Variants in ANK3 observed in about 807,000 individuals in gnomAD.
ANK3 encodes the protein ankyrin 3, also known as ankyrin-3.
Under a neutral mutation model 370.9 loss-of-function variants are expected in ANK3, and 57 were observed. That is an observed-to-expected ratio of 0.15 (90% CI 0.12 to 0.19). The LOEUF is 0.19. Ranked by LOEUF, ANK3 falls within the 10% of genes least tolerant of loss-of-function variation. The probability of loss-of-function intolerance (pLI) is 1.00; values close to 1 mark genes in which losing one functional copy is unlikely to be tolerated. For synonymous variants in ANK3, 1,929 were observed against 1,946.3 expected, an observed-to-expected ratio of 0.99 and a Z score of 0.23; for missense variants, 4,439 against 5,302.1, an observed-to-expected ratio of 0.84 and a Z score of 5.06.
At chr10:60,522,606 A>T (rs1320610499) in intron 2 of ANK3, among the ~76,000 whole-genome samples, 1 of 152,088 alleles carries the variant, frequency 6.6e-6, no homozygotes, top group Non-Finnish European at 1.5e-5. Flanking sequence ...CTGGTCCAGC[A>T]TAACTGCAAG....
chr10:60,612,623 C>T (rs1259263756), intron 2 of ANK3, among the ~76,000 whole-genome samples: 1 of 152,192 alleles, frequency 6.6e-6, no homozygotes, highest in African/African-American at 2.4e-5. Flanking sequence ...TCCCCAGTAG[C>T]TGGGATTACA....
At position 60,389,698 on chromosome 10, in the gene ANK3, C is replaced by A; in HGVS notation, c.-160G>T. The A allele has an allele frequency of 6.9e-7, 1 of 1,445,172 alleles. No individual in the cohort carries two copies. Among genetic ancestry groups the A allele is most frequent in the Non-Finnish European group, 9.0e-7 (1 of 1,105,402 alleles). 89.5% of individuals were successfully genotyped at this position (1,445,172 alleles called of 1,614,324 possible). The stretch of plus-strand genomic sequence containing the variant: ...TCACAATGCAAAGATGCTGGAGAAG[C>A]TGAAGCTTTTAAAAACCCAAATGAT... On this transcript the variant is annotated 5_prime_UTR_variant, in exon 1 of 44. Coordinates refer to ENST00000280772, the MANE Select transcript of ANK3 (RefSeq NM_020987.5).
intron 28 of ANK3, among the ~76,000 whole-genome samples, chr10:60,099,328 T>C (rs898289922): frequency 2.6e-5 from 4 of 152,232 alleles, no homozygotes; most frequent in African/African-American, 9.6e-5. Flanking sequence ...CAACTCTGTA[T>C]CAAGAGTTGT....
intron 1 of ANK3, among the ~76,000 whole-genome samples, chr10:60,691,133 C>T (rs1231276997): frequency 1.3e-5 from 2 of 152,150 alleles, no homozygotes; most frequent in African/African-American, 2.4e-5. Flanking sequence ...AAAGTCAGCT[C>T]TCCTACGCTC....
At chr10:60,228,760 G>T (rs2097201907) in intron 8 of ANK3, among the ~76,000 whole-genome samples, 1 of 152,014 alleles carries the variant, frequency 6.6e-6, no homozygotes, top group South Asian at 2.1e-4. Context: ...AAAAAAATTA[G>T]ATGTGAGCAT....
intron 2 of ANK3, among the ~76,000 whole-genome samples, chr10:60,411,350 A>T (rs2063556654): frequency 1.3e-5 from 2 of 152,214 alleles, no homozygotes; most frequent in African/African-American, 4.8e-5. Flanking sequence ...CTAAACTGAG[A>T]AATGCTAAAC....
intron 8 of ANK3, among the ~76,000 whole-genome samples, chr10:60,222,693 C>G (rs2097081550): frequency 6.6e-6 from 1 of 152,128 alleles, no homozygotes; most frequent in Admixed American, 6.5e-5. Context: ...TATACTTGGT[C>G]CAACTTGGCC....
intron 28 of ANK3, among the ~76,000 whole-genome samples, chr10:60,092,426 C>A (rs1225345573): frequency 5.3e-5 from 8 of 152,126 alleles, no homozygotes. Context: ...TGGATCAATA[C>A]ATCTTTTTCA....
chr10:60,367,283 T>C (rs2059514457), intron 1 of ANK3, among the ~76,000 whole-genome samples: 1 of 152,220 alleles, frequency 6.6e-6, no homozygotes, highest in East Asian at 1.9e-4. Flanking sequence ...TGTTTAAATT[T>C]TTCATCAGAC....
intron 1 of ANK3, among the ~76,000 whole-genome samples, chr10:60,640,924 A>C (rs376551719): frequency 1.9e-5 from 1 of 51,930 alleles, no homozygotes; most frequent in Non-Finnish European, 4.4e-5. Flanking sequence ...TTAAGCTGAT[A>C]AGCAAAGTCT....
intron 1 of ANK3, chr10:60,615,301 G>T: frequency 3.0e-6 from 3 of 999,102 alleles, no homozygotes; most frequent in Non-Finnish European, 4.3e-6. Flanking sequence ...ATTTACACAT[G>T]CACATTATTA....
At chr10:60,597,342 T>A (rs1196817351) in intron 2 of ANK3, among the ~76,000 whole-genome samples, 1 of 152,220 alleles carries the variant, frequency 6.6e-6, no homozygotes, top group East Asian at 1.9e-4. Context: ...TATCATAACA[T>A]GAATGTAGCT....
intron 9 of ANK3, among the ~76,000 whole-genome samples, chr10:60,213,075 C>T (rs73269471): frequency 0.031 from 4,723 of 152,060 alleles, 253 homozygotes; most frequent in African/African-American, 0.11. Context: ...TGAAGATAGC[C>T]GGCACCCAAA....
At chr10:60,697,724 C>T (rs1589044401) in intron 1 of ANK3, among the ~76,000 whole-genome samples, 1 of 152,104 alleles carries the variant, frequency 6.6e-6, no homozygotes, top group Non-Finnish European at 1.5e-5. Context: ...AAACTGGATC[C>T]CTTCCTTACA....
intron 2 of ANK3, among the ~76,000 whole-genome samples, chr10:60,614,753 C>T (rs572721507): frequency 6.6e-6 from 1 of 152,266 alleles, no homozygotes; most frequent in South Asian, 2.1e-4. Flanking sequence ...TAGAAGCAAA[C>T]ATCTGATCAT....
intron 2 of ANK3, among the ~76,000 whole-genome samples, chr10:60,560,070 G>A (rs938062348): frequency 1.3e-5 from 2 of 152,032 alleles, no homozygotes; most frequent in Non-Finnish European, 2.9e-5. Context: ...GATGGATAGA[G>A]AGAGAGAGAG....
intron 2 of ANK3, among the ~76,000 whole-genome samples, chr10:60,483,483 C>T (rs547358163): frequency 6.6e-6 from 1 of 152,280 alleles, no homozygotes; most frequent in Non-Finnish European, 1.5e-5. Flanking sequence ...TACTCAGGCT[C>T]ATGTTCCTTC....
intron 42 of ANK3, among the ~76,000 whole-genome samples, chr10:60,050,048 C>A (rs1013169276): frequency 1.3e-5 from 2 of 152,086 alleles, no homozygotes; most frequent in Non-Finnish European, 2.9e-5. Flanking sequence ...TTTTTCTAGA[C>A]CTTTCACTTT....
At chr10:60,128,473 A>G (rs2093889979) in intron 25 of ANK3, among the ~76,000 whole-genome samples, 1 of 151,362 alleles carries the variant, frequency 6.6e-6, no homozygotes, top group African/African-American at 2.4e-5. Flanking sequence ...TCTGCCTCCC[A>G]GGCTCAAGAG....
Sources: gnomAD v4.1 joint callset for allele counts (sites outside exome capture counted in the v4.1 genomes callset) on GRCh38, gnomAD v4.1.1 for gene constraint, MANE v1.5 for transcripts, NCBI Gene and HGNC (gene_info 2026-07-23, HGNC 2026-07-21) for gene names.